The following EHMT1 variants were observed in gnomAD, a reference collection of about 807,000 sequenced individuals.
The protein encoded by EHMT1 is histone-lysine N-methyltransferase EHMT1.
In EHMT1, 15 loss-of-function variants were observed where a neutral mutation model predicts 147.2. The ratio of observed to expected loss-of-function variants is 0.10; its 90% CI spans 0.07 to 0.16. The LOEUF is 0.16. Ranked by LOEUF, EHMT1 falls within the 10% of genes least tolerant of loss-of-function variation. The probability of loss-of-function intolerance (pLI) is 1.00; values close to 1 mark genes in which losing one functional copy is unlikely to be tolerated. For missense variants in EHMT1, 1,587 were observed against 1,772.4 expected (o/e 0.90, Z 1.88); for synonymous variants, 795 against 709.6 (o/e 1.12, Z -1.91).
chr9:137,834,441 C>G lies in EHMT1; in HGVS notation c.3633C>G (p.Arg1211=). 1 of 1,613,252 alleles carries G rather than the reference C, an allele frequency of 6.2e-7. No individual in the cohort carries two copies. The highest frequency in any genetic ancestry group is 8.5e-7 in the Non-Finnish European group (1 of 1,179,822). ...GCGAGCCCAACCTGGTGCCCGTGCG[C>G]GTGTTCATGGCCCACCAGGACCTGC... The part of the protein sequence containing the change: ...HHCEPNLVPV[R]VFMAHQDLRF... The change falls in exon 26 of 27, where the codon CGC becomes CGG. Residue 1211 remains arginine (R), a synonymous_variant. Transcript: ENST00000460843.
intron 4 of EHMT1, among the ~76,000 whole-genome samples, chr9:137,735,641 C>T (rs1564660755): frequency 6.6e-6 from 1 of 152,164 alleles, no homozygotes. Context: ...CACACCAAAG[C>T]TCATGTTGAA....
intron 6 of EHMT1, chr9:137,745,654 A>T: frequency 5.0e-6 from 2 of 397,916 alleles, no homozygotes; most frequent in Non-Finnish European, 8.9e-6. Flanking sequence ...CGGTCTCTGC[A>T]CACACGTGTC....
intron 25 of EHMT1, among the ~76,000 whole-genome samples, chr9:137,819,831 A>C (rs947230101): frequency 6.6e-6 from 1 of 151,726 alleles, no homozygotes; most frequent in Non-Finnish European, 1.5e-5. Flanking sequence ...TGTGTGGGAG[A>C]GAGCAGGGGC....
At chr9:137,814,056 GCCCCCCCCCC>G (rs71387862) in intron 21 of EHMT1, among the ~76,000 whole-genome samples, 5 of 50,050 alleles carry the variant, frequency 1.0e-4, no homozygotes, top group Admixed American at 6.3e-4. Flanking sequence ...CACTGCCCAG[GCCCCCCCCCC>G]CCCCCGCCCC....
In EHMT1 at chr9:137,813,291, G is replaced by T. The variant is rs1954642636; in HGVS notation, c.3036-95G>T. 6.4e-7 allele frequency: 1 copy of T among 1,556,662 alleles called. No homozygotes were observed. The highest frequency in any genetic ancestry group is 1.4e-5 in the African/African-American group (1 of 73,708). On this transcript the variant is annotated intron_variant, in intron 20 of 26. Transcript: ENST00000460843. This position sits in a 1 kb window ranked among gnomAD's most constrained non-coding sequence, Gnocchi z 4.9. ...CCCCAGGCTGCAGTCCAAATTGTCA[G>T]GGCCAGGTGTTTGCCAGCCGCCCCA...
intron 25 of EHMT1, among the ~76,000 whole-genome samples, chr9:137,830,916 T>G (rs1956145365): frequency 6.6e-6 from 1 of 152,242 alleles, no homozygotes; most frequent in Non-Finnish European, 1.5e-5. Context: ...AGCAAAACAC[T>G]GTAAACCGTG....
intron 18 of EHMT1, among the ~76,000 whole-genome samples, chr9:137,807,723 G>A (rs1282053724): frequency 6.6e-6 from 1 of 152,128 alleles, no homozygotes; most frequent in Non-Finnish European, 1.5e-5. Flanking sequence ...GCCCAGGCTG[G>A]TCTCGAACTC....
chr9:137,798,787 T>C, intron 16 of EHMT1, 26 bp from the exon 17 acceptor site: 1 of 1,596,714 alleles, frequency 6.3e-7, no homozygotes, highest in Non-Finnish European at 8.6e-7. Flanking sequence ...TATGGATTCT[T>C]TGACTAAGTG....
intron 18 of EHMT1, among the ~76,000 whole-genome samples, chr9:137,804,111 C>G (rs1281762751): frequency 3.3e-5 from 5 of 152,198 alleles, no homozygotes; most frequent in African/African-American, 1.2e-4. Context: ...TTAAAACCAG[C>G]TCTTGTGAGA....
chr9:137,673,751 C>T (rs1031380830), intron 1 of EHMT1, among the ~76,000 whole-genome samples: 17 of 152,132 alleles, frequency 1.1e-4, no homozygotes, highest in Non-Finnish European at 2.1e-4. Flanking sequence ...TGTTAAGGCC[C>T]GTCATTTCAT....
intron 9 of EHMT1, among the ~76,000 whole-genome samples, chr9:137,760,273 T>C (rs1376968534): frequency 6.6e-6 from 1 of 152,222 alleles, no homozygotes; most frequent in African/African-American, 2.4e-5. Flanking sequence ...TGCATTGTTA[T>C]CCAAGCGTGT....
At chr9:137,652,794 C>A (rs1038602493) in intron 1 of EHMT1, among the ~76,000 whole-genome samples, 5 of 150,208 alleles carry the variant, frequency 3.3e-5, no homozygotes, top group African/African-American at 1.2e-4. Context: ...GGTGCAATCT[C>A]GGCTCACCGC....
intron 1 of EHMT1, among the ~76,000 whole-genome samples, chr9:137,692,509 A>T (rs973013797): frequency 1.3e-5 from 2 of 151,638 alleles, no homozygotes; most frequent in Non-Finnish European, 2.9e-5. Flanking sequence ...CAGGTGATCC[A>T]CCCACCTCAG....
intron 25 of EHMT1, among the ~76,000 whole-genome samples, chr9:137,823,688 G>A (rs924798034): frequency 1.3e-5 from 2 of 152,190 alleles, no homozygotes; most frequent in Non-Finnish European, 2.9e-5. Flanking sequence ...TGGGATTACA[G>A]GCGTGAGCCA....
chr9:137,669,919 C>T (rs953581849), intron 1 of EHMT1, among the ~76,000 whole-genome samples: 4 of 152,194 alleles, frequency 2.6e-5, no homozygotes, highest in African/African-American at 4.8e-5. Context: ...GGCGTAATCT[C>T]GGCTCTCTGC....
chr9:137,630,759 T>C (rs1159904000), intron 1 of EHMT1, among the ~76,000 whole-genome samples: 1 of 152,144 alleles, frequency 6.6e-6, no homozygotes, highest in East Asian at 1.9e-4. Flanking sequence ...TTTCCTCGAC[T>C]GTGATTTGGG....
rs572219859 is a variant in EHMT1 at position 137,827,732 on chromosome 9, GC to G, written c.3541-6614del. ...ATGCTGTTCTGGAGCTGTTGAACAT[GC>G]CCTCTGGGATCCTGCCCACCCGCCC... On this transcript the variant is annotated intron_variant, in intron 25 of 26. Transcript: ENST00000460843. 2.6e-5 allele frequency among the ~76,000 whole-genome samples: 4 copies of G among 152,284 alleles called. No homozygotes were observed. In the South Asian group the frequency reaches 6.2e-4, roughly 24 times the overall value.
At chr9:137,668,409 A>C (rs909820172) in intron 1 of EHMT1, among the ~76,000 whole-genome samples, 33 of 148,948 alleles carry the variant, frequency 2.2e-4, no homozygotes, top group Non-Finnish European at 4.6e-4. Context: ...CCACCTCACC[A>C]CCCACCCATC....
At chr9:137,690,506 CAA>C (rs34887611) in intron 1 of EHMT1, among the ~76,000 whole-genome samples, 2,209 of 91,118 alleles carry the variant, frequency 0.024, 33 homozygotes, top group South Asian at 0.063. Context: ...GACCCTGTCT[CAA>C]AAAAAAAAAA....
Sources: allele counts gnomAD v4.1 joint callset (sites outside exome capture counted in the v4.1 genomes callset), GRCh38; gene constraint gnomAD v4.1.1; non-coding constraint Gnocchi (gnomAD v3.1); transcripts MANE v1.5; gene names NCBI Gene and HGNC (gene_info 2026-07-23, HGNC 2026-07-21).